The following WRN variants were observed in gnomAD, a reference collection of about 807,000 sequenced individuals.
The protein encoded by WRN is WRN RecQ like helicase.
In WRN, 149 loss-of-function variants were observed where a neutral mutation model predicts 180.7. The ratio of observed to expected loss-of-function variants is 0.82; its 90% CI spans 0.72 to 0.94. WRN has a LOEUF of 0.94. WRN is among the 40% of genes least tolerant of loss of function. The probability of loss-of-function intolerance (pLI) is 0.00; values close to 1 mark genes in which losing one functional copy is unlikely to be tolerated. For synonymous variants in WRN, 548 were observed against 568.9 expected, an observed-to-expected ratio of 0.96 and a Z score of 0.52; for missense variants, 1,661 against 1,700.1, an observed-to-expected ratio of 0.98 and a Z score of 0.40.
At chr8:31,041,200 A>G (rs981461674) in intron 1 of WRN, among the ~76,000 whole-genome samples, 1 of 152,196 alleles carries the variant, frequency 6.6e-6, no homozygotes, top group African/African-American at 2.4e-5. Context: ...AGCTAATGGT[A>G]TAGTTCCAGG....
chr8:31,124,476 T>C (rs778681451), intron 21 of WRN, 46 bp from the exon 22 acceptor site: 117 of 1,416,020 alleles, frequency 8.3e-5, no homozygotes, highest in Non-Finnish European at 1.2e-4. Flanking sequence ...AGTAAGAAAG[T>C]TGCCAATACA....
chr8:31,100,526 G>A (rs895627454), intron 17 of WRN, among the ~76,000 whole-genome samples: 3 of 152,172 alleles, frequency 2.0e-5, no homozygotes, highest in African/African-American at 7.2e-5. Flanking sequence ...AGAAATGCAG[G>A]TGGATAGTTT....
chr8:31,083,058 G>A (rs750770740), intron 9 of WRN, among the ~76,000 whole-genome samples: 2 of 151,610 alleles, frequency 1.3e-5, no homozygotes, highest in Non-Finnish European at 1.5e-5. Flanking sequence ...TAAATATTTG[G>A]CATTTTTTGA....
intron 21 of WRN, among the ~76,000 whole-genome samples, chr8:31,123,874 T>A (rs2130339580): frequency 6.6e-6 from 1 of 152,228 alleles, no homozygotes; most frequent in African/African-American, 2.4e-5. Flanking sequence ...GCATTGACTT[T>A]AAAAAACAAA....
At chr8:31,049,153 G>A (rs1476451338) in intron 1 of WRN, among the ~76,000 whole-genome samples, 1 of 137,802 alleles carries the variant, frequency 7.3e-6, no homozygotes, top group African/African-American at 2.7e-5. Flanking sequence ...AGAGCTTGCA[G>A]TGAGCCGAGA....
chr8:31,078,524 G>A (rs887226734), intron 8 of WRN, among the ~76,000 whole-genome samples: 1 of 152,122 alleles, frequency 6.6e-6, no homozygotes, highest in African/African-American at 2.4e-5. Context: ...CATGACAGTA[G>A]GTGGAAGTGA....
At chr8:31,062,096 T>A (rs1195283304) in intron 3 of WRN, among the ~76,000 whole-genome samples, 2 of 152,152 alleles carry the variant, frequency 1.3e-5, no homozygotes, top group African/African-American at 4.8e-5. Flanking sequence ...CCAGGAAGAA[T>A]GTGGGGCAAC....
In WRN at chr8:31,090,461, C is replaced by T. The variant is rs1407017624; in HGVS notation, c.1653-4C>T. 1 of 1,611,312 alleles carries T rather than the reference C, an allele frequency of 6.2e-7. No homozygotes were observed. Among genetic ancestry groups the T allele is most frequent in the Admixed American group, 1.7e-5 (1 of 59,908 alleles). On this transcript the variant is annotated splice_region_variant and splice_polypyrimidine_tract_variant and intron_variant, in intron 13 of 34. Transcript: ENST00000298139. ...AAAATAGCTTTTTGCTTTTCACCTTCAAGAGTTCAGTGGAAAGTGATTCAT... is the reference window on the plus strand; with the variant it reads ...AAAATAGCTTTTTGCTTTTCACCTTTAAGAGTTCAGTGGAAAGTGATTCAT...
In WRN at chr8:31,134,639, C is replaced by T. The variant is rs1264613373; in HGVS notation, c.2967+2133C>T. On this transcript the variant is annotated intron_variant, in intron 24 of 34. Transcript: ENST00000298139. ...AAATAAAAACACACTCATTAATTTACATAACTGACAGATTAAGTGAAACTT... is the reference window on the plus strand; with the variant it reads ...AAATAAAAACACACTCATTAATTTATATAACTGACAGATTAAGTGAAACTT... Among the ~76,000 whole-genome samples, 5 of 152,292 alleles carry T rather than the reference C, an allele frequency of 3.3e-5. No individual in the cohort carries two copies. The East Asian group carries it at 5.8e-4, about 18-fold the overall frequency.
At chr8:31,058,315 A>G (rs1424381346) in intron 1 of WRN, 57 bp from the exon 2 acceptor site, 14 of 745,192 alleles carry the variant, frequency 1.9e-5, no homozygotes, top group South Asian at 1.6e-4. Context: ...AGGTGTCATA[A>G]CTTACTTTAA....
Position 31,172,995 on chromosome 8 carries a change from A to G in WRN, c.4192A>G (p.Thr1398Ala), listed in dbSNP as rs767758699. Reference protein sequence around the residue: ...SKEEVGINTETSSAERKRRLP... With the variant: ...SKEEVGINTEASSAERKRRLP... Reference sequence around the variant, plus strand: ...TTCTTTTTCTTTCTATTTCCTACAGACTTCATCTGCAGAGAGAAAGAGACG... The same window carrying G: ...TTCTTTTTCTTTCTATTTCCTACAGGCTTCATCTGCAGAGAGAAAGAGACG... Residue 1398 changes from threonine to alanine, a missense_variant and splice_region_variant, in exon 35 of 35, where the codon ACT becomes GCT. Transcript: ENST00000298139. 1 of 1,613,638 alleles carries G rather than the reference A, an allele frequency of 6.2e-7. No individual in the cohort carries two copies. Among genetic ancestry groups the G allele is most frequent in the Admixed American group, 1.7e-5 (1 of 60,016 alleles).
intron 31 of WRN, among the ~76,000 whole-genome samples, chr8:31,152,248 G>T (rs1415265257): frequency 1.3e-5 from 2 of 151,672 alleles, no homozygotes; most frequent in Non-Finnish European, 2.9e-5. Context: ...GGAGAATGGC[G>T]TGAACCTGGG....
chr8:31,061,771 G>A (rs867125298), intron 3 of WRN, among the ~76,000 whole-genome samples: 4 of 152,064 alleles, frequency 2.6e-5, no homozygotes, highest in African/African-American at 9.7e-5. Context: ...GGTGATCAAC[G>A]ATCTCTTCTC....
At chr8:31,134,233 G>A (rs1423018593) in intron 24 of WRN, among the ~76,000 whole-genome samples, 2 of 152,114 alleles carry the variant, frequency 1.3e-5, no homozygotes, top group Middle Eastern at 3.4e-3. Context: ...TTAGTGAAAT[G>A]TTCCCTTTAA....
intron 16 of WRN, among the ~76,000 whole-genome samples, chr8:31,094,629 G>C (rs2553262): frequency 0.037 from 5,633 of 152,202 alleles, 398 homozygotes; most frequent in East Asian, 0.27. Context: ...TTACAGGCGT[G>C]AGCCACTCTG....
At chr8:31,089,933 C>A (rs1813677606) in intron 13 of WRN, among the ~76,000 whole-genome samples, 2 of 151,902 alleles carry the variant, frequency 1.3e-5, no homozygotes, top group Admixed American at 1.3e-4. Context: ...TACACTTCCA[C>A]CTAAGTATTT....
At position 31,090,274 on chromosome 8, in the gene WRN, A is replaced by G. The variant is rs11574248; in HGVS notation, c.1653-191A>G. Among the ~76,000 whole-genome samples the G allele has an allele frequency of 4.0e-5, 6 of 151,450 alleles. No individual in the cohort carries two copies. The East Asian group carries it at 1.2e-3, about 29-fold the overall frequency. On this transcript the variant is annotated intron_variant, in intron 13 of 34. Transcript: ENST00000298139. ...AAATTTAATATATATACCAAATGGTAGTTGTTAGTTAGCTTGAATGGGACA... is the reference window on the plus strand; with the variant it reads ...AAATTTAATATATATACCAAATGGTGGTTGTTAGTTAGCTTGAATGGGACA...
At chr8:31,170,786 A>G (rs1029330444) in intron 34 of WRN, among the ~76,000 whole-genome samples, 1 of 152,204 alleles carries the variant, frequency 6.6e-6, no homozygotes, top group Admixed American at 6.5e-5. Flanking sequence ...TAGATATCAT[A>G]CTGAAGACTT....
chr8:31,143,414 A>AT, intron 27 of WRN, 136 bp from the exon 28 acceptor site: 1 of 610,472 alleles, frequency 1.6e-6, no homozygotes. Flanking sequence ...TTAGGAGGTT[A>AT]TTTTCAGGTG....
Sources: allele counts gnomAD v4.1 joint callset (sites outside exome capture counted in the v4.1 genomes callset), GRCh38; gene constraint gnomAD v4.1.1; transcripts MANE v1.5; gene names NCBI Gene and HGNC (gene_info 2026-07-23, HGNC 2026-07-21).